The following UBTD1 variants were observed in gnomAD, a reference collection of about 807,000 sequenced individuals.
UBTD1 encodes the protein ubiquitin domain-containing protein 1.
A neutral mutation model predicts 21.7 loss-of-function variants in UBTD1; 19 were observed. The ratio of observed to expected loss-of-function variants is 0.87; its 90% confidence interval spans 0.61 to 1.28. UBTD1 has a LOEUF of 1.28. Ranked by LOEUF, UBTD1 falls within the 50% of genes most tolerant of loss-of-function variation. UBTD1 has a pLI of 0.00. For synonymous variants in UBTD1, 116 were observed against 135.1 expected (o/e 0.86, Z 0.98); for missense variants, 282 against 315.1 (o/e 0.89, Z 0.80).
intron 1 of UBTD1, among the ~76,000 whole-genome samples, chr10:97,540,867 G>C (rs1172186012): frequency 6.6e-6 from 1 of 152,236 alleles, no homozygotes; most frequent in East Asian, 1.9e-4. Flanking sequence ...ACACCATGTG[G>C]GTTAGACCCC....
chr10:97,534,579 G>GCGCACA lies in UBTD1; in HGVS notation c.71-33334_71-33333insGCACAC, dbSNP rs930248767. Among the ~76,000 whole-genome samples the GCGCACA allele has an allele frequency of 4.9e-3, 712 of 145,344 alleles. 17 individuals are homozygous for GCGCACA. In the East Asian group the frequency reaches 0.07, roughly 14 times the overall value. The stretch of plus-strand genomic sequence containing the variant: ...CACTAAGGAACACACACGCGCGCGC[G>GCGCACA]CACACACACACACACACACACACAC... On this transcript the variant is annotated intron_variant, in intron 1 of 2. Transcript: ENST00000370664.
At chr10:97,500,050 A>G (rs2040348843) in intron 1 of UBTD1, among the ~76,000 whole-genome samples, 1 of 152,168 alleles carries the variant, frequency 6.6e-6, no homozygotes, top group Non-Finnish European at 1.5e-5. Context: ...AGGGTGTTGC[A>G]AGGACCCGCT....
Position 97,549,754 on chromosome 10 carries a change from G to A in UBTD1, c.71-18160G>A, listed in dbSNP as rs73332708. 3.8e-3 allele frequency among the ~76,000 whole-genome samples: 572 copies of A among 152,360 alleles called. 7 individuals are homozygous for A. Among genetic ancestry groups the A allele is most frequent in the African/African-American group, 0.013 (539 of 41,582 alleles). On this transcript the variant is annotated intron_variant, in intron 1 of 2. Transcript: ENST00000370664. ...GAGAGGAGGAAAGGCCCACAGGCCT[G>A]TAAAGAGGCCACCAAATCCCAGAGC... is the stretch of plus-strand genomic sequence containing the variant.
intron 2 of UBTD1, among the ~76,000 whole-genome samples, chr10:97,569,562 G>A (rs1425952076): frequency 6.6e-6 from 1 of 152,254 alleles, no homozygotes. Flanking sequence ...GCCATGGCAG[G>A]TGTATTAGTC....
In UBTD1 at chr10:97,538,278, G is replaced by A. The variant is rs577323746; in HGVS notation, c.71-29636G>A. Among the ~76,000 whole-genome samples the A allele has an allele frequency of 9.9e-4, 150 of 152,184 alleles. 1 individual carries two copies. The highest frequency in any genetic ancestry group is 9.2e-3 in the Admixed American group (140 of 15,288). Reference sequence around the variant, plus strand: ...AGGCTGAGGTGAGAGGATCCCTTGAGGCTAGGGGTTTAAGACCAACCTGGG... The same window carrying A: ...AGGCTGAGGTGAGAGGATCCCTTGAAGCTAGGGGTTTAAGACCAACCTGGG... On this transcript the variant is annotated intron_variant, in intron 1 of 2. Coordinates refer to ENST00000370664, the MANE Select transcript of UBTD1 (RefSeq NM_024954.5).
chr10:97,502,864 TAC>T (rs2040382345), intron 1 of UBTD1, among the ~76,000 whole-genome samples: 1 of 148,930 alleles, frequency 6.7e-6, no homozygotes, highest in African/African-American at 2.5e-5. Flanking sequence ...TACGTATATA[TAC>T]GTATATATGT....
chr10:97,570,837 G>A lies in UBTD1; in HGVS notation c.*314G>A. 1 of 344,332 alleles carries A rather than the reference G, an allele frequency of 2.9e-6. No homozygotes were observed. Among genetic ancestry groups the A allele is most frequent in the Non-Finnish European group, 5.4e-6 (1 of 184,248 alleles). 21.3% of individuals were successfully genotyped at this position (344,332 alleles called of 1,614,324 possible). ...CCCCTGGAGCCCAGATCTGTCATCT[G>A]GTGCTGCCAGCTGTGCTCACTCTGG... On this transcript the variant is annotated 3_prime_UTR_variant, in exon 3 of 3. Transcript: ENST00000370664. The surrounding 1 kb of genome is among the most constrained non-coding windows in gnomAD (Gnocchi z 6.6).
chr10:97,543,648 C>G (rs1415516051), intron 1 of UBTD1, among the ~76,000 whole-genome samples: 1 of 152,144 alleles, frequency 6.6e-6, no homozygotes, highest in African/African-American at 2.4e-5. Flanking sequence ...GGAAATGGAC[C>G]CAGGTCTTCT....
intron 1 of UBTD1, among the ~76,000 whole-genome samples, chr10:97,528,912 C>T (rs1437235343): frequency 6.7e-6 from 1 of 149,624 alleles, no homozygotes; most frequent in African/African-American, 2.5e-5. Flanking sequence ...CCCCCCACCT[C>T]CCTCCTGGAT....
chr10:97,539,702 G>C (rs2040578991), intron 1 of UBTD1, among the ~76,000 whole-genome samples: 1 of 152,194 alleles, frequency 6.6e-6, no homozygotes, highest in African/African-American at 2.4e-5. Context: ...CTTGGGGGAG[G>C]GGACGGCCTG....
chr10:97,548,791 C>T (rs1285153957), intron 1 of UBTD1, among the ~76,000 whole-genome samples: 2 of 152,116 alleles, frequency 1.3e-5, no homozygotes, highest in East Asian at 1.9e-4. Context: ...AAAGACTAAA[C>T]GAAAACCCTA....
chr10:97,516,213 G>GAGGCC (rs1232293367), intron 1 of UBTD1, among the ~76,000 whole-genome samples: 1 of 152,228 alleles, frequency 6.6e-6, no homozygotes, highest in Non-Finnish European at 1.5e-5. Context: ...GGCCTCCTGG[G>GAGGCC]AGCTGAGGCT....
intron 1 of UBTD1, among the ~76,000 whole-genome samples, chr10:97,515,750 A>G (rs2040441685): frequency 6.6e-6 from 1 of 152,126 alleles, no homozygotes; most frequent in Non-Finnish European, 1.5e-5. Flanking sequence ...TCCCAGTCCA[A>G]AGTCCATATT....
At position 97,571,096 on chromosome 10, in the gene UBTD1, T is replaced by G. The variant is rs1589887301; in HGVS notation, c.*573T>G. On this transcript the variant is annotated 3_prime_UTR_variant, in exon 3 of 3. Coordinates refer to ENST00000370664, the MANE Select transcript of UBTD1 (RefSeq NM_024954.5). The stretch of plus-strand genomic sequence containing the variant: ...GCAGGGTCTGCACAGGGCCATGTCC[T>G]GGCTGTAACCCAGGCAGTGGGAGGT... The G allele has an allele frequency of 6.5e-6, 1 of 154,270 alleles. No individual in the cohort carries two copies. Among genetic ancestry groups the G allele is most frequent in the Non-Finnish European group, 1.4e-5 (1 of 69,038 alleles). 9.6% of individuals were successfully genotyped at this position (154,270 alleles called of 1,614,324 possible). A position where few individuals can be genotyped will look rare whatever the true frequency, so the allele number is the denominator to read the frequency against.
intron 1 of UBTD1, among the ~76,000 whole-genome samples, chr10:97,560,496 G>A (rs2040687235): frequency 6.6e-6 from 1 of 152,114 alleles, no homozygotes; most frequent in Admixed American, 6.5e-5. Flanking sequence ...TTATGCTGCT[G>A]TTATTTTAAC....
intron 1 of UBTD1, among the ~76,000 whole-genome samples, chr10:97,535,678 T>G (rs557764703): frequency 6.6e-6 from 1 of 152,152 alleles, no homozygotes; most frequent in Non-Finnish European, 1.5e-5. Flanking sequence ...CCTATAATTC[T>G]GGCACCATGG....
chr10:97,513,509 G>A (rs2135659441), intron 1 of UBTD1, among the ~76,000 whole-genome samples: 1 of 152,282 alleles, frequency 6.6e-6, no homozygotes, highest in Middle Eastern at 3.4e-3. Context: ...GACAGATATT[G>A]GAAGTAAGTG....
chr10:97,527,182 A>G (rs2040493163), intron 1 of UBTD1, among the ~76,000 whole-genome samples: 3 of 150,044 alleles, frequency 2.0e-5, no homozygotes, highest in African/African-American at 7.3e-5. Context: ...AAAAAAAAAA[A>G]AAAAAAAAAA....
At chr10:97,524,100 G>A (rs1454854632) in intron 1 of UBTD1, among the ~76,000 whole-genome samples, 1 of 152,076 alleles carries the variant, frequency 6.6e-6, no homozygotes, top group African/African-American at 2.4e-5. Flanking sequence ...CCTGATCACA[G>A]TGCCCCTGCT....
Sources: allele counts gnomAD v4.1 joint callset (sites outside exome capture counted in the v4.1 genomes callset), GRCh38; gene constraint gnomAD v4.1.1; non-coding constraint Gnocchi (gnomAD v3.1); transcripts MANE v1.5; gene names NCBI Gene and HGNC (gene_info 2026-07-23, HGNC 2026-07-21).